Variants in SCML4 observed in about 807,000 individuals in gnomAD.
The protein encoded by SCML4 is sex comb on midleg-like protein 4.
A neutral mutation model predicts 41.1 loss-of-function variants in SCML4; 34 were observed. That is an observed-to-expected ratio of 0.83 (90% CI 0.63 to 1.10). The LOEUF is 1.10. SCML4 is among the 50% of genes least tolerant of loss of function. The probability of loss-of-function intolerance (pLI) is 0.00; values close to 1 mark genes in which losing one functional copy is unlikely to be tolerated. For synonymous variants in SCML4, 214 were observed against 220.9 expected, an observed-to-expected ratio of 0.97 and a Z score of 0.28; for missense variants, 522 against 534.1, an observed-to-expected ratio of 0.98 and a Z score of 0.22.
rs1773445234 is a variant in SCML4 at position 107,704,778 on chromosome 6, C to G, written c.*422G>C. On this transcript the variant is annotated 3_prime_UTR_variant, in exon 8 of 8. Coordinates refer to ENST00000369020, the MANE Select transcript of SCML4 (RefSeq NM_198081.5). ...AACAAGGCTCACATGGATAGGTCCC[C>G]AGGTCAGAGTTAGAGGCAGATGGTG... The G allele has an allele frequency of 5.0e-6, 1 of 201,340 alleles. No individual in the cohort carries two copies. The highest frequency in any genetic ancestry group is 2.4e-5 in the African/African-American group (1 of 41,794). The allele number at this position is 201,340 out of a possible 1,614,324, so 12.5% of individuals were successfully genotyped here. A position where few individuals can be genotyped will look rare whatever the true frequency, so the allele number is the denominator to read the frequency against.
intron 1 of SCML4, among the ~76,000 whole-genome samples, chr6:107,819,049 A>G (rs1315393066): frequency 6.9e-6 from 1 of 145,164 alleles, no homozygotes; most frequent in African/African-American, 2.5e-5. Flanking sequence ...CCTATGGTCT[A>G]TGAGCTGACA....
At chr6:107,748,438 C>G (rs543418004) in intron 3 of SCML4, among the ~76,000 whole-genome samples, 59 of 152,216 alleles carry the variant, frequency 3.9e-4, no homozygotes, top group African/African-American at 1.4e-3. Flanking sequence ...AGTCTCAAGA[C>G]AAGCATGTGG....
At position 107,779,791 on chromosome 6, in the gene SCML4, A is replaced by T. The variant is rs565426458; in HGVS notation, c.-59-7405T>A. 5.9e-5 allele frequency among the ~76,000 whole-genome samples: 9 copies of T among 152,224 alleles called. No homozygotes were observed. The East Asian group carries it at 1.7e-3, about 29-fold the overall frequency. ...GCTGTCTGTGAGGTGGTTCCCAAGG[A>T]TCAAAATGCACTTTGGCATCTGTCT... On this transcript the variant is annotated intron_variant, in intron 1 of 7. Coordinates refer to ENST00000369020, the MANE Select transcript of SCML4 (RefSeq NM_198081.5).
At position 107,703,685 on chromosome 6, in the gene SCML4, A is replaced by G. The variant is rs140939200; in HGVS notation, c.*1515T>C. Among the ~76,000 whole-genome samples the G allele has an allele frequency of 1.3e-3, 194 of 152,282 alleles. 1 individual carries two copies. The highest frequency in any genetic ancestry group is 4.4e-3 in the African/African-American group (181 of 41,572). The stretch of plus-strand genomic sequence containing the variant: ...CCCACCCTGCTCCACTTGCCAGCTG[A>G]GACCCCTGCTCAGGTTGTATCCCAG... On this transcript the variant is annotated 3_prime_UTR_variant, in exon 8 of 8. Transcript: ENST00000369020.
chr6:107,791,157 A>T (rs1255804646), intron 1 of SCML4, among the ~76,000 whole-genome samples: 1 of 152,038 alleles, frequency 6.6e-6, no homozygotes, highest in Non-Finnish European at 1.5e-5. Flanking sequence ...CTTAATTTCC[A>T]GAGCAAGAAG....
chr6:107,735,477 T>A (rs1223303904), intron 5 of SCML4, among the ~76,000 whole-genome samples: 1 of 151,296 alleles, frequency 6.6e-6, no homozygotes, highest in Non-Finnish European at 1.5e-5. Flanking sequence ...TTTCTTCAAG[T>A]TTTTTTTATT....
intron 7 of SCML4, among the ~76,000 whole-genome samples, chr6:107,705,889 A>C (rs1773568602): frequency 6.6e-6 from 1 of 152,162 alleles, no homozygotes; most frequent in Non-Finnish European, 1.5e-5. Flanking sequence ...ACAAAGAACT[A>C]CTAAGAGGAT....
chr6:107,721,647 GC>G (rs1376501955), intron 5 of SCML4, among the ~76,000 whole-genome samples: 1 of 152,146 alleles, frequency 6.6e-6, no homozygotes, highest in Non-Finnish European at 1.5e-5. Context: ...CACCAGCACA[GC>G]CCCCCTCACC....
intron 1 of SCML4, among the ~76,000 whole-genome samples, chr6:107,808,873 C>T (rs1349988692): frequency 6.6e-6 from 1 of 152,074 alleles, no homozygotes; most frequent in Admixed American, 6.6e-5. Flanking sequence ...GATGATTTAA[C>T]AGAGAACACA....
chr6:107,712,943 C>A (rs1310876242), intron 6 of SCML4, among the ~76,000 whole-genome samples: 1 of 152,240 alleles, frequency 6.6e-6, no homozygotes, highest in Non-Finnish European at 1.5e-5. Context: ...GGCCAGACAC[C>A]TTTGTGAGCA....
chr6:107,827,374 CTG>C (rs1418461144), upstream of SCML4, among the ~76,000 whole-genome samples: 1 of 147,398 alleles, frequency 6.8e-6, no homozygotes, highest in Non-Finnish European at 1.5e-5. Context: ...TTAAATATAT[CTG>C]TATATACACA....
At chr6:107,800,580 G>C (rs538883618) in intron 1 of SCML4, among the ~76,000 whole-genome samples, 22 of 152,250 alleles carry the variant, frequency 1.4e-4, no homozygotes, top group African/African-American at 5.1e-4. Flanking sequence ...ATTCAGAAAG[G>C]GGGAGGTTTG....
At position 107,704,194 on chromosome 6, in the gene SCML4, C is replaced by G. The variant is rs528151984; in HGVS notation, c.*1006G>C. On this transcript the variant is annotated 3_prime_UTR_variant, in exon 8 of 8. Coordinates refer to ENST00000369020, the MANE Select transcript of SCML4 (RefSeq NM_198081.5). The stretch of plus-strand genomic sequence containing the variant: ...AGCAATGTAACTAGAAATCAACACT[C>G]TCCCATTTCAAAGCTTCGTTGAGAC... The G allele has an allele frequency of 1.3e-5, 2 of 152,346 alleles. No homozygotes were observed. The highest frequency in any genetic ancestry group is 1.9e-4 in the East Asian group (1 of 5,188). 9.4% of individuals were successfully genotyped at this position (152,346 alleles called of 1,614,324 possible).
intron 5 of SCML4, among the ~76,000 whole-genome samples, chr6:107,731,413 AC>A (rs946142999): frequency 1.3e-5 from 2 of 152,256 alleles, no homozygotes; most frequent in African/African-American, 4.8e-5. Flanking sequence ...GGCAATAAGA[AC>A]CACAACATCT....
chr6:107,736,111 G>T (rs1777044177), intron 5 of SCML4, among the ~76,000 whole-genome samples: 1 of 152,202 alleles, frequency 6.6e-6, no homozygotes, highest in African/African-American at 2.4e-5. Context: ...CCTGCCCCGT[G>T]GTTGTCATCC....
chr6:107,836,378 C>T, the SCML4 span, among the ~76,000 whole-genome samples: 1 of 152,156 alleles, frequency 6.6e-6, no homozygotes, highest in Non-Finnish European at 1.5e-5. Flanking sequence ...CTGTCTCTCC[C>T]ACCCAGAGGC....
At chr6:107,780,373 T>C (rs1781387796) in intron 1 of SCML4, among the ~76,000 whole-genome samples, 1 of 152,198 alleles carries the variant, frequency 6.6e-6, no homozygotes, top group African/African-American at 2.4e-5. Flanking sequence ...TACTCATTCT[T>C]AGCGTCAAAT....
rs1332889961 is a variant in SCML4, at chr6:107,746,429, G to A, written c.487+260C>T. 2.8e-5 allele frequency: 12 copies of A among 429,002 alleles called. No individual in the cohort carries two copies. The South Asian group carries it at 3.7e-4, about 13-fold the overall frequency. The allele number at this position is 429,002 out of a possible 1,614,324, so 26.6% of individuals were successfully genotyped here. A position where few individuals can be genotyped will look rare whatever the true frequency, so the allele number is the denominator to read the frequency against. On this transcript the variant is annotated intron_variant, in intron 4 of 7. Transcript: ENST00000369020. ...AAGTGGAGAAAAAAAAGCAAAAACC[G>A]GTGAGTTGGAAGTGGGAAGTGGGAG...
intron 1 of SCML4, among the ~76,000 whole-genome samples, chr6:107,803,589 C>T (rs1335657421): frequency 7.0e-4 from 101 of 144,792 alleles, no homozygotes; most frequent in Non-Finnish European, 1.2e-4. Flanking sequence ...ATGACAATGG[C>T]GGTTTTGTGG....
Sources: allele counts gnomAD v4.1 joint callset (sites outside exome capture counted in the v4.1 genomes callset), GRCh38; gene constraint gnomAD v4.1.1; transcripts MANE v1.5; gene names NCBI Gene and HGNC (gene_info 2026-07-23, HGNC 2026-07-21).